Variants in ACSM6 observed in about 807,000 individuals in gnomAD.
ACSM6 encodes acyl-coenzyme A synthetase ACSM6, mitochondrial.
Under a neutral mutation model 51.1 loss-of-function variants are expected in ACSM6, and 35 were observed. That is an observed-to-expected ratio of 0.69 (90% CI 0.52 to 0.91). The LOEUF (loss-of-function observed/expected upper bound fraction) is 0.91. Among genes scored for constraint, ACSM6 ranks in the 40% least tolerant of loss-of-function variants. The pLI is 0.00. For missense variants in ACSM6, 509 were observed against 584.1 expected (o/e 0.87, Z 1.32); for synonymous variants, 172 against 207.3 (o/e 0.83, Z 1.46).
Position 95,202,256 on chromosome 10 carries a change from T to G in ACSM6, c.403+61T>G, listed in dbSNP as rs761821518. 6.2e-5 allele frequency: 85 copies of G among 1,364,304 alleles called. 1 individual carries two copies. Among genetic ancestry groups the G allele is most frequent in the Non-Finnish European group, 8.0e-5 (78 of 977,958 alleles). 84.5% of individuals were successfully genotyped at this position (1,364,304 alleles called of 1,614,324 possible). A position where few individuals can be genotyped will look rare whatever the true frequency, so the allele number is the denominator to read the frequency against. ...CTTATGTGAATCCCAGCCTCAGTTA[T>G]TCACAGAATGGAGATGTTAGAGGGA... On this transcript the variant is annotated intron_variant, in intron 3 of 10. Coordinates refer to ENST00000341686, the Ensembl canonical transcript of ACSM6.
intron 10 of ACSM6, among the ~76,000 whole-genome samples, chr10:95,227,025 C>A (rs1168396824): frequency 6.7e-6 from 1 of 149,648 alleles, no homozygotes; most frequent in East Asian, 1.9e-4. Flanking sequence ...CTCACTCAGT[C>A]ACCCAGGCTG....
chr10:95,194,975 C>T (rs10882566), intron 2 of ACSM6, among the ~76,000 whole-genome samples: 45,975 of 151,926 alleles, frequency 0.3, 7,622 homozygotes, highest in South Asian at 0.38. Flanking sequence ...ACAGTGTTGT[C>T]GAGAAGATTA....
rs780668698 is a variant in ACSM6 at position 95,210,772 on chromosome 10, T to C, written c.734T>C (p.Met245Thr). The C allele has an allele frequency of 5.6e-6, 9 of 1,613,794 alleles. No homozygotes were observed. The South Asian group carries it at 9.9e-5, about 18-fold the overall frequency. ...GAGTATTCCCAGTATGGTTTGGGAA[T>C]GGGATTCAGCCAGGCTTCCAGGTAC... Residue 245 changes from methionine (M) to threonine (T), a missense_variant, in exon 5 of 11, where the codon ATG (methionine) becomes ACG (threonine). Coordinates refer to ENST00000341686, the Ensembl canonical transcript of ACSM6.
At chr10:95,196,140 T>C (rs2034722769) in intron 2 of ACSM6, among the ~76,000 whole-genome samples, 1 of 152,216 alleles carries the variant, frequency 6.6e-6, no homozygotes, top group African/African-American at 2.4e-5. Flanking sequence ...GTGCCTTTTA[T>C]CTCTTTGTGC....
At chr10:95,216,093 A>C (rs1485221670) in intron 8 of ACSM6, among the ~76,000 whole-genome samples, 4 of 151,924 alleles carry the variant, frequency 2.6e-5, no homozygotes, top group Non-Finnish European at 2.9e-5. Flanking sequence ...CATGCTTGCT[A>C]TTTATTTTAT....
chr10:95,200,597 A>G (rs558476992), intron 2 of ACSM6, among the ~76,000 whole-genome samples: 145 of 145,620 alleles, frequency 1.0e-3, no homozygotes, highest in African/African-American at 2.1e-3. Context: ...AAAGAAGAAG[A>G]AGAAGGAGAA....
intron 4 of ACSM6, among the ~76,000 whole-genome samples, chr10:95,207,801 C>G (rs988950838): frequency 2.6e-5 from 4 of 151,944 alleles, no homozygotes; most frequent in African/African-American, 9.7e-5. Flanking sequence ...TAATGGAATA[C>G]TATGAAGCCA....
chr10:95,210,922 G>A (rs2034887104), intron 5 of ACSM6, 129 bp downstream of exon 5: 1 of 1,147,604 alleles, frequency 8.7e-7, no homozygotes, highest in East Asian at 2.6e-5. Context: ...ATTGAGAGAA[G>A]GAACAGGGCT....
chr10:95,212,954 C>T lies in ACSM6; in HGVS notation c.995+14C>T, dbSNP rs2034908337. 1.9e-6 allele frequency: 3 copies of T among 1,588,846 alleles called. No individual in the cohort carries two copies. The highest frequency in any genetic ancestry group is 2.6e-6 in the Non-Finnish European group (3 of 1,157,232). ...GTGTTTCACCAGGTAAGAGAGGATC[C>T]CTCAGGAGAGAGTCCATTTCCACTC... On this transcript the variant is annotated intron_variant, in intron 7 of 10. Transcript: ENST00000341686.
intron 5 of ACSM6, 81 bp from the exon 6 acceptor site, chr10:95,211,797 A>C: frequency 7.1e-7 from 1 of 1,399,288 alleles, no homozygotes; most frequent in South Asian, 1.4e-5. Flanking sequence ...CCCACAGGTC[A>C]GGGCTTGATA....
At chr10:95,198,359 T>C (rs1333142472) in intron 2 of ACSM6, among the ~76,000 whole-genome samples, 1 of 151,942 alleles carries the variant, frequency 6.6e-6, no homozygotes, top group East Asian at 1.9e-4. Context: ...AGAACAAAAA[T>C]GAAAATTACA....
chr10:95,228,720 A>G (rs1363154045), exon 11 of ACSM6: 1 of 1,551,722 alleles, frequency 6.4e-7, no homozygotes, highest in East Asian at 2.4e-5. Flanking sequence ...ATGGATGAAG[A>G]CGGCTACTTC....
chr10:95,198,291 C>CA (rs1396971266), intron 2 of ACSM6, among the ~76,000 whole-genome samples: 2 of 151,988 alleles, frequency 1.3e-5, no homozygotes, highest in Non-Finnish European at 2.9e-5. Flanking sequence ...TGGCAAACCA[C>CA]TAAAGGTGCT....
intron 10 of ACSM6, chr10:95,225,894 T>C (rs934748767): frequency 1.2e-4 from 19 of 152,374 alleles, no homozygotes; most frequent in African/African-American, 4.6e-4. Flanking sequence ...CACCACCATG[T>C]TTTTCGTGAC....
intron 3 of ACSM6, among the ~76,000 whole-genome samples, chr10:95,203,895 T>C (rs552552292): frequency 6.8e-6 from 1 of 147,932 alleles, no homozygotes; most frequent in South Asian, 2.1e-4. Flanking sequence ...GAAAAGTGAT[T>C]CAAAGAGCAG....
At chr10:95,203,087 C>T (rs1348424259) in intron 3 of ACSM6, among the ~76,000 whole-genome samples, 3 of 152,122 alleles carry the variant, frequency 2.0e-5, no homozygotes, top group Non-Finnish European at 4.4e-5. Flanking sequence ...ACAGCCACTC[C>T]CCATTGCTTG....
intron 3 of ACSM6, 65 bp downstream of exon 3, chr10:95,202,260 C>T: frequency 2.2e-6 from 3 of 1,344,536 alleles, no homozygotes; most frequent in Non-Finnish European, 3.1e-6. Flanking sequence ...CAGTTATTCA[C>T]AGAATGGAGA....
chr10:95,201,891 C>T, intron 2 of ACSM6, 94 bp from the exon 3 acceptor site: 3 of 1,047,672 alleles, frequency 2.9e-6, no homozygotes, highest in South Asian at 1.4e-5. Context: ...CTCTCAAGAT[C>T]TAGCCACTTG....
chr10:95,219,686 C>T (rs1462906375), intron 8 of ACSM6, among the ~76,000 whole-genome samples: 1 of 151,896 alleles, frequency 6.6e-6, no homozygotes, highest in African/African-American at 2.4e-5. Context: ...TTTACATGTT[C>T]TTCTGTTCCC....
Sources: gnomAD v4.1 joint callset for allele counts (sites outside exome capture counted in the v4.1 genomes callset) on GRCh38, gnomAD v4.1.1 for gene constraint, MANE v1.5 for transcripts, NCBI Gene and HGNC (gene_info 2026-07-23, HGNC 2026-07-21) for gene names.